Variants in DNAH1 observed in about 807,000 individuals in gnomAD.
DNAH1 encodes dynein axonemal heavy chain 1.
Under a neutral mutation model 484.3 loss-of-function variants are expected in DNAH1, and 327 were observed. That is an observed-to-expected ratio of 0.68 (90% CI 0.62 to 0.74). DNAH1 has a LOEUF of 0.74. DNAH1 is among the 30% of genes least tolerant of loss of function. The probability of loss-of-function intolerance (pLI) is 0.00; values close to 1 mark genes in which losing one functional copy is unlikely to be tolerated. For missense variants in DNAH1, 5,052 were observed against 5,546.8 expected (o/e 0.91, Z 2.83); for synonymous variants, 2,192 against 2,191.9 (o/e 1.00, Z 0.00).
chr3:52,336,068 C>T (rs771169646), intron 8 of DNAH1, among the ~76,000 whole-genome samples: 7 of 152,084 alleles, frequency 4.6e-5, no homozygotes, highest in Non-Finnish European at 8.8e-5. Flanking sequence ...TGCAGGTTGT[C>T]TGTTTACTCT....
At position 52,395,827 on chromosome 3, in the gene DNAH1, G is replaced by A. The variant is rs181560769; in HGVS notation, c.11259+149G>A. ...CAGCAACTGACATGTGCCACACATC[G>A]ACATCATTAATCCTCTCAATCCACC... On this transcript the variant is annotated intron_variant, in intron 70 of 77. Coordinates refer to ENST00000420323, the MANE Select transcript of DNAH1 (RefSeq NM_015512.5). The surrounding 1 kb of genome is among the most constrained non-coding windows in gnomAD (Gnocchi z 4.4). 236 of 1,201,562 alleles carry A rather than the reference G, an allele frequency of 2.0e-4. 1 individual carries two copies. In the East Asian group the frequency reaches 4.8e-3, roughly 24 times the overall value. The allele number at this position is 1,201,562 out of a possible 1,614,324, so 74.4% of individuals were successfully genotyped here. A position where few individuals can be genotyped will look rare whatever the true frequency, so the allele number is the denominator to read the frequency against.
intron 45 of DNAH1, 138 bp downstream of exon 45, chr3:52,375,551 G>A: frequency 1.1e-6 from 1 of 917,560 alleles, no homozygotes; most frequent in Non-Finnish European, 1.6e-6. Flanking sequence ...CTCTCACTCA[G>A]CTGTGTGATC....
chr3:52,374,168 A>G (rs1214277206), intron 44 of DNAH1: 3 of 1,274,068 alleles, frequency 2.4e-6, no homozygotes, highest in Non-Finnish European at 3.4e-6. Context: ...CAGAAAACAG[A>G]TAAATAATAT....
At chr3:52,387,746 C>CTA (rs1704172433) in intron 56 of DNAH1, among the ~76,000 whole-genome samples, 1 of 152,222 alleles carries the variant, frequency 6.6e-6, no homozygotes, top group Non-Finnish European at 1.5e-5. Context: ...GGGCTGGACT[C>CTA]TCCCTGGGTG....
At position 52,361,205 on chromosome 3, in the gene DNAH1, G is replaced by C; in HGVS notation, c.4727G>C (p.Gly1576Ala). 1.9e-6 allele frequency: 3 copies of C among 1,612,196 alleles called. No individual in the cohort carries two copies. Among genetic ancestry groups the C allele is most frequent in the Non-Finnish European group, 2.5e-6 (3 of 1,179,334 alleles). Residue 1576 changes from glycine to alanine, a missense_variant, in exon 29 of 78, where the codon GGG becomes GCG. Around this residue, in one of 4 missense-constraint regions of DNAH1, gnomAD observed 2,929 missense variants for 3,409.4 expected, o/e 0.86. Coordinates refer to ENST00000420323, the MANE Select transcript of DNAH1 (RefSeq NM_015512.5). The surrounding 1 kb of genome is among the most constrained non-coding windows in gnomAD (Gnocchi z 5.6). ...ACCGGAGCTCTGCACCTCAAGTTTG[G>C]GGGTGCCCCAGCTGGCCCAGCTGGC... Reference protein sequence around the residue: ...TLTGALHLKFGGAPAGPAGTG... With the variant: ...TLTGALHLKFAGAPAGPAGTG...
Position 52,383,366 on chromosome 3 carries a change from A to G in DNAH1, c.7942-20A>G. The G allele has an allele frequency of 6.2e-7, 1 of 1,609,818 alleles. No homozygotes were observed. Among genetic ancestry groups the G allele is most frequent in the Non-Finnish European group, 8.5e-7 (1 of 1,176,888 alleles). On this transcript the variant is annotated intron_variant, in intron 50 of 77. Transcript: ENST00000420323. ...CCAACATGCAGGGGCTTAGCTCCCC[A>G]CTCCTTCACCCCTCCCCAGATCAAG...
intron 53 of DNAH1, 141 bp from the exon 54 acceptor site, chr3:52,385,196 C>T: frequency 9.8e-7 from 1 of 1,019,146 alleles, no homozygotes; most frequent in Non-Finnish European, 1.4e-6. Flanking sequence ...GATGCCCTTC[C>T]TCTGGGGTCG....
At chr3:52,347,527 C>G (rs981079312) in intron 11 of DNAH1, among the ~76,000 whole-genome samples, 1 of 152,118 alleles carries the variant, frequency 6.6e-6, no homozygotes, top group Admixed American at 6.5e-5. Flanking sequence ...AAGATGGGCT[C>G]CCGGGGAGAG....
Position 52,361,245 on chromosome 3 carries a change from G to C in DNAH1, c.4767G>C (p.Glu1589Asp). ...PAGPAGTGKT[E>D]TTKDLGKALA... Reference sequence around the variant, plus strand: ...GCCCAGCTGGCACAGGCAAAACTGAGACCACCAAAGACCTGGGTAAGGCCT... The same window carrying C: ...GCCCAGCTGGCACAGGCAAAACTGACACCACCAAAGACCTGGGTAAGGCCT... Residue 1589 changes from glutamate (E) to aspartate (D), a missense_variant, in exon 29 of 78, where the codon GAG (glutamate) becomes GAC (aspartate). Physicochemically the swap from Glu to Asp is conservative, Grantham distance 45 (BLOSUM62 2). Coordinates refer to ENST00000420323, the MANE Select transcript of DNAH1 (RefSeq NM_015512.5). This position sits in a 1 kb window ranked among gnomAD's most constrained non-coding sequence, Gnocchi z 5.6. 6.2e-7 allele frequency: 1 copy of C among 1,613,118 alleles called. No homozygotes were observed. Among genetic ancestry groups the C allele is most frequent in the Non-Finnish European group, 8.5e-7 (1 of 1,179,702 alleles).
upstream of DNAH1, chr3:52,316,209 C>T (rs1056660340): frequency 1.3e-5 from 2 of 152,302 alleles, no homozygotes; most frequent in African/African-American, 4.8e-5. Flanking sequence ...CCACCATAGG[C>T]TGATGTTGCC....
In DNAH1 at chr3:52,346,502, A is replaced by G. The variant is rs1027889967; in HGVS notation, c.1687A>G (p.Ser563Gly). The G allele has an allele frequency of 6.2e-7, 1 of 1,612,822 alleles. No homozygotes were observed. The highest frequency in any genetic ancestry group is 1.3e-5 in the African/African-American group (1 of 75,052). The change falls in exon 11 of 78, where the codon AGC becomes GGC. Residue 563 changes from serine to glycine, a missense_variant. Transcript: ENST00000420323. ...GATGTTCCTCAAGGACAGCTGGATC[A>G]GCTCGCTAAAGGTGGCCATGCGCAG... ...VQMFLKDSWISSLKVAMRSSL... is the reference protein window; with the variant it reads ...VQMFLKDSWIGSLKVAMRSSL...
At position 52,359,964 on chromosome 3, in the gene DNAH1, C is replaced by G; in HGVS notation, c.4456C>G (p.Arg1486Gly). 6.2e-7 allele frequency: 1 copy of G among 1,613,864 alleles called. No homozygotes were observed. The highest frequency in any genetic ancestry group is 8.5e-7 in the Non-Finnish European group (1 of 1,179,882). ...GCGGGGGAAGCTGTCCCGCATGCAG[C>G]GGGCAGTGCTGTCAGCGCTAATCGT... ...LVRGKLSRMQ[R>G]AVLSALIVIE... The change falls in exon 27 of 78, where the codon CGG becomes GGG. Residue 1486 changes from arginine (R) to glycine (G), a missense_variant. This residue lies in a region of DNAH1 where 2,929 missense variants were observed against 3,409.4 expected (regional missense o/e 0.86). Transcript: ENST00000420323.
rs1196730270 is a variant in DNAH1, at chr3:52,399,662, C to T, written c.12559C>T (p.Gln4187Ter). The T allele has an allele frequency of 6.2e-7, 1 of 1,614,006 alleles. No homozygotes were observed. Among genetic ancestry groups the T allele is most frequent in the South Asian group, 1.1e-5 (1 of 91,086 alleles). The change falls in exon 77 of 78, where the codon CAG becomes TAG. Residue 4187 changes from glutamine to a stop codon, truncating the protein, a stop_gained. Transcript: ENST00000420323. LOFTEE classifies it high-confidence loss of function. ...DPEAFQLAES[Q>*]PKELYTEMAV... ...AGAGGCCTTCCAGCTGGCTGAGTCT[C>T]AGCCCAAGGAGCTGTACACAGAGAT...
chr3:52,360,342 C>T lies in DNAH1; in HGVS notation c.4603C>T (p.Arg1535Cys), dbSNP rs775222435. ...YYWTNNDLYIRAVNAEFIYGY... is the reference protein window; with the variant it reads ...YYWTNNDLYICAVNAEFIYGY... ...CTGGACAAATAATGACCTGTATATC[C>T]GTGCTGTGAATGCTGAGTTCATCTA... Residue 1535 changes from arginine (R) to cysteine (C), a missense_variant, in exon 28 of 78, where the codon CGT (arginine) becomes TGT (cysteine). Physicochemically the swap from Arg to Cys is radical, Grantham distance 180 (BLOSUM62 -3). This residue lies in a region of DNAH1 where 2,929 missense variants were observed against 3,409.4 expected (regional missense o/e 0.86). Transcript: ENST00000420323. 43 of 1,613,828 alleles carry T rather than the reference C, an allele frequency of 2.7e-5. No individual in the cohort carries two copies. Among genetic ancestry groups the T allele is most frequent in the Non-Finnish European group, 3.3e-5 (39 of 1,179,860 alleles).
chr3:52,386,941 C>A, intron 56 of DNAH1, 88 bp downstream of exon 56: 1 of 1,342,332 alleles, frequency 7.4e-7, no homozygotes, highest in Non-Finnish European at 1.0e-6. Context: ...GCTTGCCCCA[C>A]CACATCATCT....
At position 52,386,342 on chromosome 3, in the gene DNAH1, C is replaced by T. The variant is rs762978292; in HGVS notation, c.8808C>T (p.Thr2936=). 23 of 1,569,486 alleles carry T rather than the reference C, an allele frequency of 1.5e-5. No homozygotes were observed. The highest frequency in any genetic ancestry group is 8.2e-5 in the South Asian group (7 of 85,634). Residue 2936 remains threonine (T), a synonymous_variant, in exon 55 of 78, where the codon ACC becomes ACT. Coordinates refer to ENST00000420323, the MANE Select transcript of DNAH1 (RefSeq NM_015512.5). ...GCAACCTCAACAAGAACGATGTGACCGAGGTGGGCAGCAGGGCATCTCCTG... is the reference window on the plus strand; with the variant it reads ...GCAACCTCAACAAGAACGATGTGACTGAGGTGGGCAGCAGGGCATCTCCTG... The part of the protein sequence containing the change: ...SLRNLNKNDV[T]EVRAMQRPPP...
intron 41 of DNAH1, 100 bp downstream of exon 41, chr3:52,370,925 T>C: frequency 1.7e-6 from 2 of 1,158,124 alleles, no homozygotes; most frequent in Non-Finnish European, 1.2e-6. Context: ...GTCACATTGA[T>C]GGCCACCAGG....
chr3:52,345,608 T>G lies in DNAH1; in HGVS notation c.1558T>G (p.Cys520Gly). Residue 520 changes from cysteine (C) to glycine (G), a missense_variant, in exon 10 of 78, where the codon TGC (cysteine) becomes GGC (glycine). Cys to Gly is a radical substitution (Grantham distance 159). Around this residue, in one of 4 missense-constraint regions of DNAH1, gnomAD observed 1,263 missense variants for 1,218.8 expected, o/e 1.04. Transcript: ENST00000420323. ...GGCCCTCAGCAAGGTGAGGGCCGAG[T>G]GCAACAAGGTGACCGCCATGTCCCT... is the stretch of plus-strand genomic sequence containing the variant. ...ITALSKVRAE[C>G]NKVTAMSLFH... 6.2e-7 allele frequency: 1 copy of G among 1,606,830 alleles called. No homozygotes were observed. The highest frequency in any genetic ancestry group is 8.5e-7 in the Non-Finnish European group (1 of 1,176,538).
chr3:52,390,456 C>T (rs1311443331), intron 60 of DNAH1, among the ~76,000 whole-genome samples: 1 of 152,070 alleles, frequency 6.6e-6, no homozygotes, highest in Non-Finnish European at 1.5e-5. Flanking sequence ...AGAAAGCTTT[C>T]CTAAAGGAAG....
Sources: allele counts gnomAD v4.1 joint callset (sites outside exome capture counted in the v4.1 genomes callset), GRCh38; gene constraint gnomAD v4.1.1; regional missense constraint gnomAD v4.1.1; non-coding constraint Gnocchi (gnomAD v3.1); transcripts MANE v1.5; gene names NCBI Gene and HGNC (gene_info 2026-07-23, HGNC 2026-07-21).